Variants in CDKAL1 observed in about 807,000 individuals in gnomAD.
CDKAL1 encodes threonylcarbamoyladenosine tRNA methylthiotransferase.
CDKAL1 carries 32 observed loss-of-function variants against 68.2 expected under a neutral mutation model. That is an observed-to-expected ratio of 0.47 (90% CI 0.35 to 0.63). The LOEUF (loss-of-function observed/expected upper bound fraction) is 0.63. CDKAL1 is among the 30% of genes least tolerant of loss of function. The pLI is 0.00. For missense variants in CDKAL1, 606 were observed against 696.7 expected, an observed-to-expected ratio of 0.87 and a Z score of 1.47; for synonymous variants, 234 against 244.3, an observed-to-expected ratio of 0.96 and a Z score of 0.39.
At chr6:21,169,561 G>A (rs886249749) in intron 13 of CDKAL1, among the ~76,000 whole-genome samples, 3 of 152,172 alleles carry the variant, frequency 2.0e-5, no homozygotes, top group Non-Finnish European at 2.9e-5. Context: ...ACTTGAACCC[G>A]GGAGGGAGAG....
chr6:21,191,835 T>C, intron 13 of CDKAL1, among the ~76,000 whole-genome samples: 1 of 151,456 alleles, frequency 6.6e-6, no homozygotes, highest in Non-Finnish European at 1.5e-5. Flanking sequence ...GCACACTCAT[T>C]CTTTCACAGC....
chr6:20,882,552 A>G (rs1328623590), intron 9 of CDKAL1, among the ~76,000 whole-genome samples: 2 of 152,224 alleles, frequency 1.3e-5, no homozygotes, highest in East Asian at 1.9e-4. Context: ...TTCTTCCCCT[A>G]CAAGCTCTTT....
intron 13 of CDKAL1, among the ~76,000 whole-genome samples, chr6:21,151,512 A>G (rs541189219): frequency 1.3e-5 from 2 of 152,370 alleles, no homozygotes; most frequent in African/African-American, 4.8e-5. Context: ...TTTTTCACAA[A>G]CAAAAGAACT....
Position 21,152,564 on chromosome 6 carries a change from C to T in CDKAL1, c.1299+44101C>T, listed in dbSNP as rs1266001129. Among the ~76,000 whole-genome samples the T allele has an allele frequency of 2.6e-5, 4 of 152,220 alleles. No individual in the cohort carries two copies. The East Asian group carries it at 7.7e-4, about 29-fold the overall frequency. On this transcript the variant is annotated intron_variant, in intron 13 of 15. Transcript: ENST00000274695. ...TCAAATTCAGGTGACACAATGAGTG[C>T]TAATGACAGCCCCTGCTCTCAAGGA...
chr6:20,863,661 G>C (rs960605589), intron 9 of CDKAL1, among the ~76,000 whole-genome samples: 8 of 152,310 alleles, frequency 5.3e-5, no homozygotes, highest in African/African-American at 1.9e-4. Context: ...GTTGTTCACA[G>C]ATGTGAGGTA....
intron 5 of CDKAL1, among the ~76,000 whole-genome samples, chr6:20,685,306 T>C (rs1770568287): frequency 6.6e-6 from 1 of 152,214 alleles, no homozygotes; most frequent in Non-Finnish European, 1.5e-5. Flanking sequence ...GATCCGATGA[T>C]TGTATTTTTG....
At chr6:21,066,138 A>G (rs1771427243) in intron 12 of CDKAL1, among the ~76,000 whole-genome samples, 1 of 152,158 alleles carries the variant, frequency 6.6e-6, no homozygotes, top group African/African-American at 2.4e-5. Flanking sequence ...AATATCAAAC[A>G]CAACATATAT....
intron 12 of CDKAL1, among the ~76,000 whole-genome samples, chr6:21,067,784 A>G (rs1366632912): frequency 6.6e-6 from 1 of 152,128 alleles, no homozygotes; most frequent in Admixed American, 6.5e-5. Context: ...TAACTGCCAA[A>G]TAGTTTCCCC....
chr6:20,884,196 T>C (rs1760958503), intron 9 of CDKAL1, among the ~76,000 whole-genome samples: 1 of 152,096 alleles, frequency 6.6e-6, no homozygotes, highest in Non-Finnish European at 1.5e-5. Flanking sequence ...AGCACATTAA[T>C]GTAACAAAAG....
intron 12 of CDKAL1, among the ~76,000 whole-genome samples, chr6:21,075,032 A>G (rs1327980002): frequency 6.6e-6 from 1 of 152,078 alleles, no homozygotes; most frequent in African/African-American, 2.4e-5. Flanking sequence ...ATCAGTGAAC[A>G]TATGTACAAT....
At chr6:20,845,050 T>C (rs112234008) in intron 8 of CDKAL1, among the ~76,000 whole-genome samples, 64 of 152,362 alleles carry the variant, frequency 4.2e-4, no homozygotes, top group African/African-American at 1.4e-3. Flanking sequence ...TCTCAGAAAT[T>C]AAGCATTGCA....
At chr6:21,152,103 C>T (rs1776439052) in intron 13 of CDKAL1, among the ~76,000 whole-genome samples, 1 of 152,242 alleles carries the variant, frequency 6.6e-6, no homozygotes, top group African/African-American at 2.4e-5. Flanking sequence ...GCTCTTCTCT[C>T]CTTTGCCCTT....
chr6:21,114,261 A>C (rs1367218567), intron 13 of CDKAL1, among the ~76,000 whole-genome samples: 1 of 151,856 alleles, frequency 6.6e-6, no homozygotes, highest in Non-Finnish European at 1.5e-5. Context: ...AAAAAAAAAA[A>C]AAAAAAGCAG....
At chr6:20,657,552 A>T (rs997025058) in intron 5 of CDKAL1, among the ~76,000 whole-genome samples, 5 of 152,206 alleles carry the variant, frequency 3.3e-5, no homozygotes, top group Non-Finnish European at 5.9e-5. Context: ...GCCACCACAC[A>T]AAAGATCACC....
At chr6:20,815,112 G>A (rs1345432360) in intron 8 of CDKAL1, among the ~76,000 whole-genome samples, 2 of 152,170 alleles carry the variant, frequency 1.3e-5, no homozygotes, top group Non-Finnish European at 2.9e-5. Flanking sequence ...ATGTAGGAGG[G>A]TAAATCCAGT....
chr6:20,614,348 T>G (rs1440207730), intron 4 of CDKAL1, among the ~76,000 whole-genome samples: 1 of 152,230 alleles, frequency 6.6e-6, no homozygotes, highest in Non-Finnish European at 1.5e-5. Flanking sequence ...GGTTTCATTT[T>G]CTTACATTTA....
intron 6 of CDKAL1, among the ~76,000 whole-genome samples, chr6:20,753,431 A>G (rs1041431820): frequency 2.0e-5 from 3 of 152,180 alleles, no homozygotes; most frequent in African/African-American, 7.2e-5. Context: ...TTATATGTTT[A>G]GATTCTTACC....
At chr6:21,038,135 G>A (rs1328841250) in intron 11 of CDKAL1, among the ~76,000 whole-genome samples, 3 of 152,192 alleles carry the variant, frequency 2.0e-5, no homozygotes, top group African/African-American at 7.2e-5. Flanking sequence ...AGGGAGTTTG[G>A]CAGCTTGGAA....
At chr6:21,050,882 A>G (rs1040133554) in intron 11 of CDKAL1, among the ~76,000 whole-genome samples, 3 of 152,186 alleles carry the variant, frequency 2.0e-5, no homozygotes, top group Admixed American at 6.5e-5. Context: ...TTTGAAAACA[A>G]TTTCTTCAAA....
Sources: allele counts gnomAD v4.1 joint callset (sites outside exome capture counted in the v4.1 genomes callset), GRCh38; gene constraint gnomAD v4.1.1; transcripts MANE v1.5; gene names NCBI Gene and HGNC (gene_info 2026-07-23, HGNC 2026-07-21).